Variants in SCN11A observed in about 807,000 individuals in gnomAD.
SCN11A encodes the protein sodium voltage-gated channel alpha subunit 11.
A neutral mutation model predicts 162.2 loss-of-function variants in SCN11A; 122 were observed. The observed-to-expected ratio is 0.75, with a 90% CI of 0.65 to 0.87. The LOEUF is 0.87. Ranked by LOEUF, SCN11A falls within the 40% of genes least tolerant of loss-of-function variation. The probability of loss-of-function intolerance (pLI) is 0.00; values close to 1 mark genes in which losing one functional copy is unlikely to be tolerated. For synonymous variants in SCN11A, 758 were observed against 751.5 expected (o/e 1.01, Z -0.14); for missense variants, 2,015 against 2,181.6 (o/e 0.92, Z 1.52).
intron 20 of SCN11A, 149 bp from the exon 21 acceptor site, chr3:38,885,551 C>G: frequency 1.7e-6 from 1 of 600,324 alleles, no homozygotes. Context: ...AACACCCCTC[C>G]TGCTGGGTCC....
chr3:39,020,151 TTAAA>T (rs2031410180), intron 2 of SCN11A, among the ~76,000 whole-genome samples: 1 of 152,086 alleles, frequency 6.6e-6, no homozygotes, highest in Non-Finnish European at 1.5e-5. Context: ...GCCCCAAGAG[TTAAA>T]TAAAGATAAT....
At chr3:38,993,009 G>C (rs879942752) in intron 2 of SCN11A, among the ~76,000 whole-genome samples, 2 of 152,184 alleles carry the variant, frequency 1.3e-5, no homozygotes, top group Admixed American at 1.3e-4. Flanking sequence ...AGGAGCAATG[G>C]CCAATGCTGC....
At chr3:38,922,015 A>G (rs1445688259) in intron 9 of SCN11A, among the ~76,000 whole-genome samples, 1 of 152,180 alleles carries the variant, frequency 6.6e-6, no homozygotes, top group Non-Finnish European at 1.5e-5. Context: ...CCCACTCACC[A>G]CCATGGTAGA....
At chr3:38,864,198 C>T (rs2065008057) in intron 27 of SCN11A, among the ~76,000 whole-genome samples, 1 of 152,086 alleles carries the variant, frequency 6.6e-6, no homozygotes, top group African/African-American at 2.4e-5. Flanking sequence ...TGTCTCAATC[C>T]AGACTATGAG....
chr3:39,005,125 C>A (rs144152946), intron 2 of SCN11A, among the ~76,000 whole-genome samples: 2,310 of 152,284 alleles, frequency 0.015, 33 homozygotes, highest in Middle Eastern at 0.034. Flanking sequence ...TCACAATGTT[C>A]TTCTATACAA....
intron 2 of SCN11A, among the ~76,000 whole-genome samples, chr3:38,971,170 T>TA (rs2066814848): frequency 6.6e-6 from 1 of 151,678 alleles, no homozygotes; most frequent in Non-Finnish European, 1.5e-5. Context: ...TTTTTTTTTT[T>TA]AACAGACAAG....
At position 38,894,777 on chromosome 3, in the gene SCN11A, G is replaced by A; in HGVS notation, c.2591C>T (p.Pro864Leu). 1 of 1,614,070 alleles carries A rather than the reference G, an allele frequency of 6.2e-7. No individual in the cohort carries two copies. The highest frequency in any genetic ancestry group is 2.2e-5 in the East Asian group (1 of 44,882). The change falls in exon 19 of 30, where the codon CCA becomes CTA. Residue 864 changes from proline to leucine, a missense_variant. Transcript: ENST00000302328. ...GCCTCCTGCCACCTCTTTTTGCTGT[G>A]GTAAGTTTTGCTTCCTGCACCACTT... ...CHKWCRKQNL[P>L]QQKEVAGGCA... is the part of the protein sequence containing the mutation.
At chr3:39,020,009 G>A (rs987412183) in intron 2 of SCN11A, among the ~76,000 whole-genome samples, 20 of 152,194 alleles carry the variant, frequency 1.3e-4, no homozygotes, top group Non-Finnish European at 2.5e-4. Flanking sequence ...GAATGCTTGA[G>A]TCAGAAGGCT....
chr3:38,883,069 A>G (rs1315029547), intron 22 of SCN11A, among the ~76,000 whole-genome samples, 164 bp downstream of exon 22: 1 of 152,170 alleles, frequency 6.6e-6, no homozygotes, highest in Non-Finnish European at 1.5e-5. Context: ...GTTGAGCACG[A>G]TTTCAGAAGC....
chr3:38,998,417 C>A (rs1184257507), intron 2 of SCN11A, among the ~76,000 whole-genome samples: 1 of 152,148 alleles, frequency 6.6e-6, no homozygotes, highest in Non-Finnish European at 1.5e-5. Context: ...TTCTATGATG[C>A]TTTTATGTCT....
rs1216450272 is a variant in SCN11A at position 39,051,909 on chromosome 3, C to T, written c.-452G>A. 4.6e-6 allele frequency: 6 copies of T among 1,305,216 alleles called. No homozygotes were observed. Among genetic ancestry groups the T allele is most frequent in the Admixed American group, 1.9e-5 (1 of 53,302 alleles). The allele number at this position is 1,305,216 out of a possible 1,614,324, so 80.9% of individuals were successfully genotyped here. A position where few individuals can be genotyped will look rare whatever the true frequency, so the allele number is the denominator to read the frequency against. On this transcript the variant is annotated 5_prime_UTR_variant, in exon 1 of 30. Coordinates refer to ENST00000302328, the MANE Select transcript of SCN11A (RefSeq NM_001349253.2). ...ACAGCAACTAACAGCACCGAGGAAACACAACAGCCTGTTTACCTTCAGCCC... is the reference window on the plus strand; with the variant it reads ...ACAGCAACTAACAGCACCGAGGAAATACAACAGCCTGTTTACCTTCAGCCC...
intron 7 of SCN11A, among the ~76,000 whole-genome samples, chr3:38,939,272 CATAGTT>C (rs1212608587): frequency 1.3e-5 from 2 of 151,292 alleles, no homozygotes; most frequent in African/African-American, 4.9e-5. Flanking sequence ...GAATTTAAGA[CATAGTT>C]ATAGAAAAAC....
intron 28 of SCN11A, among the ~76,000 whole-genome samples, chr3:38,860,922 A>G (rs1336731222): frequency 6.6e-6 from 1 of 152,206 alleles, no homozygotes; most frequent in Non-Finnish European, 1.5e-5. Context: ...AATAAAGAGT[A>G]TTCAAATTGG....
At chr3:38,983,501 A>C (rs2030131173) in intron 2 of SCN11A, among the ~76,000 whole-genome samples, 1 of 152,204 alleles carries the variant, frequency 6.6e-6, no homozygotes, top group Non-Finnish European at 1.5e-5. Flanking sequence ...GTAATAGAGA[A>C]ATGAACAAGG....
At chr3:38,929,811 T>G (rs1446380420) in intron 7 of SCN11A, among the ~76,000 whole-genome samples, 1 of 152,162 alleles carries the variant, frequency 6.6e-6, no homozygotes, top group Non-Finnish European at 1.5e-5. Flanking sequence ...CTCTTTACCC[T>G]TGCTCTCTCA....
chr3:39,022,075 G>T (rs1002760098), intron 2 of SCN11A, among the ~76,000 whole-genome samples: 4 of 152,066 alleles, frequency 2.6e-5, no homozygotes, highest in Non-Finnish European at 5.9e-5. Context: ...CCTGATAAGA[G>T]ATCACCACTG....
chr3:38,897,181 T>C lies in SCN11A; in HGVS notation c.2067A>G (p.Thr689=), dbSNP rs369106164. The C allele has an allele frequency of 1.2e-6, 2 of 1,613,902 alleles. No homozygotes were observed. Among genetic ancestry groups the C allele is most frequent in the African/African-American group, 2.7e-5 (2 of 74,900 alleles). ...CAGAGTTGCCGATTATCTTAATTAG[T>C]GTGTTCAAAGTTGGCCAGGATTTGG... ...KLAKSWPTLN[T]LIKIIGNSVG... is the part of the protein sequence containing the mutation. The change falls in exon 18 of 30, where the codon ACA becomes ACG. Residue 689 remains threonine, a synonymous_variant. Coordinates refer to ENST00000302328, the MANE Select transcript of SCN11A (RefSeq NM_001349253.2).
chr3:39,035,782 G>GCC (rs1401942827), intron 1 of SCN11A, among the ~76,000 whole-genome samples: 1 of 152,046 alleles, frequency 6.6e-6, no homozygotes, highest in Admixed American at 6.5e-5. Context: ...TGGGACTACA[G>GCC]GCACCCGCCA....
At chr3:38,889,159 C>T (rs1377449002) in intron 19 of SCN11A, among the ~76,000 whole-genome samples, 1 of 152,116 alleles carries the variant, frequency 6.6e-6, no homozygotes, top group Non-Finnish European at 1.5e-5. Context: ...GGCACGGTGG[C>T]TTATGCCTGT....
Sources: allele counts gnomAD v4.1 joint callset (sites outside exome capture counted in the v4.1 genomes callset), GRCh38; gene constraint gnomAD v4.1.1; transcripts MANE v1.5; gene names NCBI Gene and HGNC (gene_info 2026-07-23, HGNC 2026-07-21).